ASPA: variants seen among roughly 807,000 people sequenced by gnomAD.
ASPA encodes the protein aspartoacylase, also known as ACY-2.
Under a neutral mutation model 29.6 loss-of-function variants are expected in ASPA, and 25 were observed. The ratio of observed to expected loss-of-function variants is 0.85; its 90% CI spans 0.62 to 1.18. ASPA has a LOEUF of 1.18. Among genes scored for constraint, ASPA ranks in the 50% most tolerant of loss-of-function variants. The pLI is 0.00. For missense variants in ASPA, 333 were observed against 385.7 expected (o/e 0.86, Z 1.14); for synonymous variants, 131 against 130.3 (o/e 1.01, Z -0.04).
At chr17:3,476,419 T>C in intron 1 of ASPA, 24 bp downstream of exon 1, 1 of 1,598,718 alleles carries the variant, frequency 6.3e-7, no homozygotes, top group Non-Finnish European at 8.6e-7. Flanking sequence ...TTGTATTGTA[T>C]ATGTATGTAT....
chr17:3,500,731 C>G lies in ASPA; in HGVS notation c.*1643C>G, dbSNP rs2073979880. 6.6e-6 allele frequency: 1 copy of G among 152,008 alleles called. No homozygotes were observed. Among genetic ancestry groups the G allele is most frequent in the African/African-American group, 2.4e-5 (1 of 41,348 alleles). The allele number at this position is 152,008 out of a possible 1,614,324, so 9.4% of individuals were successfully genotyped here. A position where few individuals can be genotyped will look rare whatever the true frequency, so the allele number is the denominator to read the frequency against. On this transcript the variant is annotated 3_prime_UTR_variant, in exon 6 of 6. Coordinates refer to ENST00000263080, the MANE Select transcript of ASPA (RefSeq NM_000049.4). ...CTGCTAGCCAGGATGGTCTCGATCT[C>G]CTGACCTCATGATCCGCCTGCCTCG...
chr17:3,476,071 T>C lies in ASPA; in HGVS notation c.-89T>C. 8.0e-7 allele frequency: 1 copy of C among 1,253,228 alleles called. No individual in the cohort carries two copies. The highest frequency in any genetic ancestry group is 1.2e-6 in the Non-Finnish European group (1 of 868,612). 77.6% of individuals were successfully genotyped at this position (1,253,228 alleles called of 1,614,324 possible). On this transcript the variant is annotated 5_prime_UTR_variant, in exon 1 of 6. Coordinates refer to ENST00000263080, the MANE Select transcript of ASPA (RefSeq NM_000049.4). ...ACTTTGCCCTTTGGGTAAAGTCTCA[T>C]TTACATTTCTAAACCTTTCTTAAGA...
chr17:3,487,040 T>TTGTG (rs139476666), intron 3 of ASPA, among the ~76,000 whole-genome samples: 1 of 148,832 alleles, frequency 6.7e-6, no homozygotes, highest in Non-Finnish European at 1.5e-5. Flanking sequence ...TTTCCCATAT[T>TTGTG]TGTGTGTGTG....
At chr17:3,497,891 C>G (rs1226207529) in intron 5 of ASPA, among the ~76,000 whole-genome samples, 1 of 152,184 alleles carries the variant, frequency 6.6e-6, no homozygotes, top group African/African-American at 2.4e-5. Context: ...ACAAAATCCC[C>G]AGATGATTTA....
chr17:3,475,012 T>C (rs1248806922), upstream of ASPA, among the ~76,000 whole-genome samples: 1 of 152,210 alleles, frequency 6.6e-6, no homozygotes, highest in Admixed American at 6.5e-5. Flanking sequence ...ATAAAATTAA[T>C]GTATGAATAA....
intron 4 of ASPA, among the ~76,000 whole-genome samples, chr17:3,491,479 G>C (rs2073822633): frequency 1.3e-5 from 2 of 152,140 alleles, no homozygotes; most frequent in African/African-American, 4.8e-5. Flanking sequence ...AGGCGCGGTG[G>C]CTCATGCCTG....
Position 3,485,082 on chromosome 17 carries a change from G to A in ASPA, c.526+1490G>A, listed in dbSNP as rs1288708512. On this transcript the variant is annotated intron_variant, in intron 3 of 5. Coordinates refer to ENST00000263080, the MANE Select transcript of ASPA (RefSeq NM_000049.4). This position sits in a 1 kb window ranked among gnomAD's most constrained non-coding sequence, Gnocchi z 4.4. ...TTGCCCAGGCTGAGTGTAGTGGCAC[G>A]ATCACAGTTCACTGCAGCCTTGACC... Among the ~76,000 whole-genome samples the A allele has an allele frequency of 3.9e-5, 6 of 152,032 alleles. No individual in the cohort carries two copies. The highest frequency in any genetic ancestry group is 3.4e-3 in the Middle Eastern group (1 of 294).
rs9890041 is a variant in ASPA at position 3,500,092 on chromosome 17, C to G, written c.*1004C>G. 145,894 of 152,326 alleles carry G rather than the reference C, an allele frequency of 0.96. 70,169 individuals are homozygous for G. The highest frequency in any genetic ancestry group is 1 in the East Asian group (5,188 of 5,188). The allele number at this position is 152,326 out of a possible 1,614,324, so 9.4% of individuals were successfully genotyped here. On this transcript the variant is annotated 3_prime_UTR_variant, in exon 6 of 6. Coordinates refer to ENST00000263080, the MANE Select transcript of ASPA (RefSeq NM_000049.4). ...ACACATTAAGCCAAAGCATGACCCA[C>G]AGCAAGGCCCTAACTCTCTTCAATT... is the stretch of plus-strand genomic sequence containing the variant.
chr17:3,488,169 A>G lies in ASPA; in HGVS notation c.527-1066A>G, dbSNP rs895477309. Reference sequence around the variant, plus strand: ...AGTTGGGGTAAATGGTTTGCCAAATAGAGAAGGTGATGACTGGGGAGATGA... The same window carrying G: ...AGTTGGGGTAAATGGTTTGCCAAATGGAGAAGGTGATGACTGGGGAGATGA... On this transcript the variant is annotated intron_variant, in intron 3 of 5. Coordinates refer to ENST00000263080, the MANE Select transcript of ASPA (RefSeq NM_000049.4). The surrounding 1 kb of genome is among the most constrained non-coding windows in gnomAD (Gnocchi z 6.1). Among the ~76,000 whole-genome samples, 6 of 152,216 alleles carry G rather than the reference A, an allele frequency of 3.9e-5. No individual in the cohort carries two copies. The highest frequency in any genetic ancestry group is 1.4e-4 in the African/African-American group (6 of 41,462).
At chr17:3,484,444 A>G (rs2073685059) in intron 3 of ASPA, among the ~76,000 whole-genome samples, 1 of 152,164 alleles carries the variant, frequency 6.6e-6, no homozygotes, top group Admixed American at 6.5e-5. Flanking sequence ...AGCAGGAAAG[A>G]CCTAACCCAG....
intron 2 of ASPA, among the ~76,000 whole-genome samples, chr17:3,483,082 G>A (rs1264293055): frequency 1.3e-5 from 2 of 151,660 alleles, no homozygotes; most frequent in Admixed American, 6.6e-5. Context: ...GCAGGAGGAG[G>A]GGGAATCACC....
At chr17:3,495,611 C>G (rs2073896052) in intron 5 of ASPA, among the ~76,000 whole-genome samples, 1 of 152,180 alleles carries the variant, frequency 6.6e-6, no homozygotes, top group Non-Finnish European at 1.5e-5. Flanking sequence ...CTCTGTCGCC[C>G]AGGCTGGAGT....
rs1034989941 is a variant in ASPA, at chr17:3,490,662, T to C, written c.634+1320T>C. Among the ~76,000 whole-genome samples the C allele has an allele frequency of 9.9e-5, 15 of 152,210 alleles. No homozygotes were observed. The highest frequency in any genetic ancestry group is 3.6e-4 in the African/African-American group (15 of 41,456). ...TGAGGGCAGGTTCTATACTGTCTAA[T>C]GGAACTGGTTTTGAGAAGATCACAA... On this transcript the variant is annotated intron_variant, in intron 4 of 5. Transcript: ENST00000263080. The surrounding 1 kb of genome is among the most constrained non-coding windows in gnomAD (Gnocchi z 4.6).
At chr17:3,493,040 C>T (rs2073850268) in intron 4 of ASPA, among the ~76,000 whole-genome samples, 1 of 152,192 alleles carries the variant, frequency 6.6e-6, no homozygotes. Context: ...CAAAGGAAGG[C>T]TTTCCTTTGA....
At chr17:3,493,417 C>T (rs1481044084) in intron 4 of ASPA, among the ~76,000 whole-genome samples, 3 of 151,816 alleles carry the variant, frequency 2.0e-5, no homozygotes, top group Non-Finnish European at 2.9e-5. Context: ...AAAAATTAGC[C>T]GGGCGTGGTG....
chr17:3,497,817 A>C (rs2150762963), intron 5 of ASPA, among the ~76,000 whole-genome samples: 1 of 152,328 alleles, frequency 6.6e-6, no homozygotes, highest in East Asian at 1.9e-4. Context: ...GCTGCTGGGA[A>C]ATGTTAGACA....
At chr17:3,475,225 T>G (rs1175191699), upstream of ASPA, among the ~76,000 whole-genome samples, 1 of 152,168 alleles carries the variant, frequency 6.6e-6, no homozygotes, top group Non-Finnish European at 1.5e-5. Context: ...ATCTTAGTAT[T>G]CTGGAAAATT....
chr17:3,488,009 G>A lies in ASPA; in HGVS notation c.527-1226G>A, dbSNP rs190396321. 2.7e-4 allele frequency among the ~76,000 whole-genome samples: 41 copies of A among 152,144 alleles called. No homozygotes were observed. The highest frequency in any genetic ancestry group is 9.6e-4 in the African/African-American group (40 of 41,512). ...TCATACATATATGCAAGAAACCTAA[G>A]CACAACAAATAAAAAATGATGCAAG... On this transcript the variant is annotated intron_variant, in intron 3 of 5. Transcript: ENST00000263080. This position sits in a 1 kb window ranked among gnomAD's most constrained non-coding sequence, Gnocchi z 6.1.
At chr17:3,493,915 G>C (rs531228822) in intron 4 of ASPA, among the ~76,000 whole-genome samples, 2 of 152,290 alleles carry the variant, frequency 1.3e-5, no homozygotes, top group African/African-American at 4.8e-5. Flanking sequence ...TTTTGGCCTA[G>C]TGCTGTTTAT....
Sources: allele counts gnomAD v4.1 joint callset (sites outside exome capture counted in the v4.1 genomes callset), GRCh38; gene constraint gnomAD v4.1.1; non-coding constraint Gnocchi (gnomAD v3.1); transcripts MANE v1.5; gene names NCBI Gene and HGNC (gene_info 2026-07-23, HGNC 2026-07-21).